The following LRRN2 variants were observed in gnomAD, a reference collection of about 807,000 sequenced individuals.
The protein encoded by LRRN2 is leucine-rich repeat neuronal protein 2.
Under a neutral mutation model 35.7 loss-of-function variants are expected in LRRN2, and 10 were observed. The observed-to-expected ratio is 0.28, with a 90% confidence interval of 0.17 to 0.47. The LOEUF (loss-of-function observed/expected upper bound fraction) is 0.47, where lower values mean the gene tolerates loss of function less well. Ranked by LOEUF, LRRN2 falls within the 20% of genes least tolerant of loss-of-function variation. LRRN2 has a pLI of 0.99. For missense variants in LRRN2, 731 were observed against 940.3 expected (o/e 0.78, Z 2.91); for synonymous variants, 391 against 409.6 (o/e 0.95, Z 0.55).
intron 1 of LRRN2, among the ~76,000 whole-genome samples, chr1:204,671,643 A>G (rs868069694): frequency 3.7e-3 from 34 of 9,292 alleles, no homozygotes; most frequent in African/African-American, 5.5e-3. Flanking sequence ...AATTGATGGT[A>G]AAAAAAAAAA....
rs114939520 is a variant in LRRN2 at position 204,631,685 on chromosome 1, A to G, written c.-226-11467T>C. Among the ~76,000 whole-genome samples the G allele has an allele frequency of 4.2e-3, 647 of 152,270 alleles. 8 individuals are homozygous for G. The highest frequency in any genetic ancestry group is 0.015 in the African/African-American group (613 of 41,544). ...TTGATGGTATGCAAATTAAACTTCA[A>G]TAAAGCCATTGAAAAATTCACAGGG... On this transcript the variant is annotated intron_variant, in intron 1 of 1. Transcript: ENST00000367177.
At chr1:204,684,308 C>T (rs1023816473) in intron 1 of LRRN2, among the ~76,000 whole-genome samples, 1 of 152,220 alleles carries the variant, frequency 6.6e-6, no homozygotes, top group African/African-American at 2.4e-5. Context: ...CCAACCCTGC[C>T]AGTCGCCCAG....
At chr1:204,683,701 C>G (rs1045661609) in intron 1 of LRRN2, among the ~76,000 whole-genome samples, 3 of 152,142 alleles carry the variant, frequency 2.0e-5, no homozygotes, top group Non-Finnish European at 2.9e-5. Flanking sequence ...GGCACTGAGG[C>G]CTTTAGTTCC....
At chr1:204,651,773 C>T (rs1442062121) in intron 1 of LRRN2, among the ~76,000 whole-genome samples, 3 of 152,156 alleles carry the variant, frequency 2.0e-5, no homozygotes, top group Non-Finnish European at 2.9e-5. Flanking sequence ...GCTGGGGAAT[C>T]GCTCAGAAAA....
intron 1 of LRRN2, among the ~76,000 whole-genome samples, chr1:204,666,445 T>C (rs1332633995): frequency 1.3e-5 from 2 of 152,198 alleles, no homozygotes; most frequent in East Asian, 3.8e-4. Flanking sequence ...GTTAGGTGCT[T>C]ATTGCTAAAC....
chr1:204,654,277 G>C (rs148828437), intron 1 of LRRN2, among the ~76,000 whole-genome samples: 2 of 152,276 alleles, frequency 1.3e-5, no homozygotes, highest in East Asian at 3.9e-4. Flanking sequence ...GAAGGGGTAC[G>C]AGGAGCCTTC....
chr1:204,638,493 C>G (rs909648412), intron 1 of LRRN2, among the ~76,000 whole-genome samples: 14 of 138,848 alleles, frequency 1.0e-4, no homozygotes, highest in African/African-American at 3.8e-4. Flanking sequence ...TTCACTGCAA[C>G]CTCCGCCCTC....
chr1:204,641,026 A>T lies in LRRN2; in HGVS notation c.-226-20808T>A, dbSNP rs192321137. Among the ~76,000 whole-genome samples, 181 of 152,096 alleles carry T rather than the reference A, an allele frequency of 1.2e-3. 1 individual carries two copies. The highest frequency in any genetic ancestry group is 4.0e-3 in the African/African-American group (168 of 41,508). ...AAAAGAAAAAAAAAAAACAAAAAAC[A>T]TCCTGACAAATAGAGCCAGGGAAGG... On this transcript the variant is annotated intron_variant, in intron 1 of 1. Transcript: ENST00000367177.
chr1:204,624,739 T>A (rs1667189529), intron 1 of LRRN2, among the ~76,000 whole-genome samples: 1 of 138,128 alleles, frequency 7.2e-6, no homozygotes, highest in Non-Finnish European at 1.5e-5. Context: ...CTCCTCTCCC[T>A]GGCGGTTCCC....
At chr1:204,629,885 A>G (rs1238725926) in intron 1 of LRRN2, among the ~76,000 whole-genome samples, 1 of 152,198 alleles carries the variant, frequency 6.6e-6, no homozygotes, top group African/African-American at 2.4e-5. Context: ...CTTCTCATTT[A>G]TAAGTGGGAG....
intron 1 of LRRN2, chr1:204,629,187 C>T (rs1001944827): frequency 2.0e-5 from 3 of 152,322 alleles, no homozygotes; most frequent in Admixed American, 6.5e-5. Flanking sequence ...GTGATAGTCT[C>T]TCCTGTCCCA....
chr1:204,631,392 A>G (rs183742100), intron 1 of LRRN2, among the ~76,000 whole-genome samples: 3 of 146,544 alleles, frequency 2.0e-5, no homozygotes, highest in African/African-American at 7.6e-5. Context: ...ACTCTTATCC[A>G]TTGAGCATGA....
intron 1 of LRRN2, among the ~76,000 whole-genome samples, chr1:204,650,746 G>C (rs1333767804): frequency 1.3e-5 from 2 of 152,144 alleles, no homozygotes; most frequent in African/African-American, 2.4e-5. Context: ...GCCAAGTGTT[G>C]CTTCAGGAGG....
chr1:204,652,650 C>T (rs1231981621), intron 1 of LRRN2, among the ~76,000 whole-genome samples: 1 of 152,136 alleles, frequency 6.6e-6, no homozygotes, highest in African/African-American at 2.4e-5. Flanking sequence ...TTGCACCTCC[C>T]ATCCTGGATC....
At position 204,626,517 on chromosome 1, in the gene LRRN2, C is replaced by T. The variant is rs142113846; in HGVS notation, c.-226-6299G>A. ...CTCCTCTTCAGCCATGAAAACCCATCCCAAATGCCACCTCCCCTGTGACGC... is the reference window on the plus strand; with the variant it reads ...CTCCTCTTCAGCCATGAAAACCCATTCCAAATGCCACCTCCCCTGTGACGC... On this transcript the variant is annotated intron_variant, in intron 1 of 1. Transcript: ENST00000367177. 9.5e-3 allele frequency among the ~76,000 whole-genome samples: 1,444 copies of T among 152,224 alleles called. 10 individuals are homozygous for T. Among genetic ancestry groups the T allele is most frequent in the Middle Eastern group, 0.02 (6 of 294 alleles).
At chr1:204,651,755 T>C (rs1226825548) in intron 1 of LRRN2, among the ~76,000 whole-genome samples, 3 of 152,110 alleles carry the variant, frequency 2.0e-5, no homozygotes, top group African/African-American at 7.2e-5. Context: ...GAGCAGGTGA[T>C]GGGGGCTGCT....
chr1:204,650,617 G>A (rs913378275), intron 1 of LRRN2, among the ~76,000 whole-genome samples: 1 of 152,158 alleles, frequency 6.6e-6, no homozygotes, highest in African/African-American at 2.4e-5. Context: ...CCTGCTCTGC[G>A]GAGGGGTGTA....
intron 1 of LRRN2, among the ~76,000 whole-genome samples, chr1:204,677,059 G>C (rs1477648445): frequency 6.6e-6 from 1 of 152,182 alleles, no homozygotes; most frequent in African/African-American, 2.4e-5. Flanking sequence ...AATAACGTTA[G>C]CTCTTATTAT....
chr1:204,619,586 C>T lies in LRRN2; in HGVS notation c.407G>A (p.Ser136Asn), dbSNP rs1358760269. The part of the protein sequence containing the change: ...ENQLTRLEDH[S>N]FAGLASLQEL... ...CTGTAGGCTGGCCAGCCCTGCAAAG[C>T]TGTGGTCCTCCAGCCGGGTCAGCTG... The change falls in exon 2 of 2, where the codon AGC (serine) becomes AAC (asparagine). Residue 136 changes from serine (S) to asparagine (N), a missense_variant. Around this residue, in one of 3 missense-constraint regions of LRRN2, gnomAD observed 246 missense variants for 289.5 expected, o/e 0.85. Transcript: ENST00000367177. 8 of 1,614,164 alleles carry T rather than the reference C, an allele frequency of 5.0e-6. No individual in the cohort carries two copies. Among genetic ancestry groups the T allele is most frequent in the Non-Finnish European group, 6.8e-6 (8 of 1,180,028 alleles).
Sources: allele counts gnomAD v4.1 joint callset (sites outside exome capture counted in the v4.1 genomes callset), GRCh38; gene constraint gnomAD v4.1.1; regional missense constraint gnomAD v4.1.1; transcripts MANE v1.5; gene names NCBI Gene and HGNC (gene_info 2026-07-23, HGNC 2026-07-21).